Variants in CELF4 observed in about 807,000 individuals in gnomAD.
CELF4 encodes the protein CUG-BP- and ETR-3-like factor 4.
CELF4 carries 18 observed loss-of-function variants against 59.9 expected under a neutral mutation model. The observed-to-expected ratio is 0.30, with a 90% confidence interval of 0.21 to 0.45. The LOEUF (loss-of-function observed/expected upper bound fraction) is 0.45. Among genes scored for constraint, CELF4 ranks in the 20% least tolerant of loss-of-function variants. CELF4 has a pLI of 1.00. For synonymous variants in CELF4, 261 were observed against 267.1 expected (o/e 0.98, Z 0.22); for missense variants, 456 against 689.0 (o/e 0.66, Z 3.79).
intron 2 of CELF4, among the ~76,000 whole-genome samples, chr18:37,410,685 T>C (rs1378430971): frequency 1.3e-5 from 2 of 152,212 alleles, no homozygotes; most frequent in African/African-American, 2.4e-5. Context: ...CAATCGCATA[T>C]TGTATGCCTG....
intron 1 of CELF4, among the ~76,000 whole-genome samples, chr18:37,559,356 C>T (rs929823979): frequency 1.3e-5 from 2 of 152,116 alleles, no homozygotes; most frequent in Admixed American, 1.3e-4. Flanking sequence ...CAGCATCTTC[C>T]CTCCTCCTAC....
intron 1 of CELF4, among the ~76,000 whole-genome samples, chr18:37,492,150 G>A (rs2099907879): frequency 1.3e-5 from 2 of 152,150 alleles, no homozygotes; most frequent in Admixed American, 1.3e-4. Context: ...AGATCCTTTA[G>A]GCCTTGGACT....
intron 3 of CELF4, among the ~76,000 whole-genome samples, chr18:37,316,326 T>A (rs1033053885): frequency 6.6e-6 from 1 of 152,154 alleles, no homozygotes; most frequent in Non-Finnish European, 1.5e-5. Flanking sequence ...TGGGGATAAA[T>A]CTGAGTTTAA....
rs201274582 is a variant in CELF4, at chr18:37,451,365, CGT to C, written c.369+34158_369+34159del. 7.3e-3 allele frequency among the ~76,000 whole-genome samples: 1,112 copies of C among 151,848 alleles called. 14 individuals carry two copies. Among genetic ancestry groups the C allele is most frequent in the African/African-American group, 0.025 (1,045 of 41,388 alleles). ...TTCTGTGTGTCTGTGTGTATCTGTGCGTGTGTGTATGCTGTATGTGTGCATGT... is the reference window on the plus strand; with the variant it reads ...TTCTGTGTGTCTGTGTGTATCTGTGCGTGTGTATGCTGTATGTGTGCATGT... On this transcript the variant is annotated intron_variant, in intron 2 of 12. Coordinates refer to ENST00000420428, the MANE Select transcript of CELF4 (RefSeq NM_020180.4).
intron 2 of CELF4, among the ~76,000 whole-genome samples, chr18:37,469,326 G>C (rs2099815858): frequency 6.6e-6 from 1 of 152,144 alleles, no homozygotes; most frequent in Non-Finnish European, 1.5e-5. Context: ...ATGTGGAGTT[G>C]GGGGATGCAT....
At chr18:37,293,720 G>A (rs2095480139) in intron 3 of CELF4, among the ~76,000 whole-genome samples, 1 of 152,154 alleles carries the variant, frequency 6.6e-6, no homozygotes, top group Non-Finnish European at 1.5e-5. Context: ...GCAGGGACTG[G>A]CTATTAGAAA....
intron 2 of CELF4, among the ~76,000 whole-genome samples, chr18:37,420,529 G>A (rs1472708882): frequency 6.6e-6 from 1 of 152,202 alleles, no homozygotes; most frequent in Non-Finnish European, 1.5e-5. Context: ...GGTGGGACCC[G>A]TGCTGGGAGC....
At chr18:37,525,052 C>G (rs1213989618) in intron 1 of CELF4, among the ~76,000 whole-genome samples, 1 of 152,158 alleles carries the variant, frequency 6.6e-6, no homozygotes, top group Non-Finnish European at 1.5e-5. Context: ...TCCTAGGGGC[C>G]TCTTGCTTGG....
intron 2 of CELF4, among the ~76,000 whole-genome samples, chr18:37,420,133 C>T (rs1037114080): frequency 2.6e-5 from 4 of 152,174 alleles, no homozygotes; most frequent in Non-Finnish European, 4.4e-5. Context: ...GGTGGGGGAA[C>T]CTTGACCCTC....
At chr18:37,366,008 G>C (rs958755834) in intron 2 of CELF4, among the ~76,000 whole-genome samples, 2 of 152,198 alleles carry the variant, frequency 1.3e-5, no homozygotes, top group African/African-American at 4.8e-5. Context: ...GAGGGAGGCA[G>C]GCTTTAGGTC....
At chr18:37,370,416 G>C (rs2098845110) in intron 2 of CELF4, among the ~76,000 whole-genome samples, 1 of 152,158 alleles carries the variant, frequency 6.6e-6, no homozygotes, top group South Asian at 2.1e-4. Context: ...GAGGTGCCCT[G>C]CATTTCTCCA....
At chr18:37,399,496 T>G (rs1311722744) in intron 2 of CELF4, among the ~76,000 whole-genome samples, 1 of 152,194 alleles carries the variant, frequency 6.6e-6, no homozygotes, top group African/African-American at 2.4e-5. Context: ...TCTCAGGTAT[T>G]CTGTTATAGC....
intron 6 of CELF4, chr18:37,273,709 AT>A (rs2092363226): frequency 1.0e-6 from 1 of 987,206 alleles, no homozygotes; most frequent in Non-Finnish European, 1.2e-6. Flanking sequence ...GTAAGCTTGC[AT>A]TTTCAGACCC....
chr18:37,410,112 C>A (rs2099428351), intron 2 of CELF4, among the ~76,000 whole-genome samples: 1 of 152,178 alleles, frequency 6.6e-6, no homozygotes, highest in African/African-American at 2.4e-5. Flanking sequence ...GTGTGAGGTT[C>A]TCGGGAGAGC....
intron 1 of CELF4, among the ~76,000 whole-genome samples, chr18:37,503,609 G>T (rs2099934231): frequency 6.6e-6 from 1 of 152,182 alleles, no homozygotes; most frequent in African/African-American, 2.4e-5. Context: ...CATGCGTGGA[G>T]GACAAGACAT....
At chr18:37,383,162 T>C (rs1410489053) in intron 2 of CELF4, among the ~76,000 whole-genome samples, 1 of 152,140 alleles carries the variant, frequency 6.6e-6, no homozygotes, top group Non-Finnish European at 1.5e-5. Context: ...GAATTACTTA[T>C]AGGCATGAGC....
chr18:37,357,990 G>A (rs560262579), intron 2 of CELF4, among the ~76,000 whole-genome samples: 26 of 152,324 alleles, frequency 1.7e-4, no homozygotes, highest in Middle Eastern at 3.4e-3. Context: ...GCTCACAGGC[G>A]AAAGGGACTT....
intron 2 of CELF4, among the ~76,000 whole-genome samples, chr18:37,468,874 A>G (rs1361477777): frequency 6.6e-6 from 1 of 152,154 alleles, no homozygotes. Flanking sequence ...AACCACATCC[A>G]TGATCCAATC....
chr18:37,366,747 T>C (rs1247928665), intron 2 of CELF4, among the ~76,000 whole-genome samples: 1 of 152,210 alleles, frequency 6.6e-6, no homozygotes, highest in East Asian at 1.9e-4. Flanking sequence ...GTAGCATCCT[T>C]GGGGTCACAG....
Sources: gnomAD v4.1 joint callset for allele counts (sites outside exome capture counted in the v4.1 genomes callset) on GRCh38, gnomAD v4.1.1 for gene constraint, MANE v1.5 for transcripts, NCBI Gene and HGNC (gene_info 2026-07-23, HGNC 2026-07-21) for gene names.